FSTL5: variants seen among roughly 807,000 people sequenced by gnomAD.
The protein encoded by FSTL5 is follistatin like 5.
FSTL5 carries 62 observed loss-of-function variants against 89.1 expected under a neutral mutation model. The ratio of observed to expected loss-of-function variants is 0.70; its 90% CI spans 0.57 to 0.86. The LOEUF (loss-of-function observed/expected upper bound fraction) is 0.86, where lower values mean the gene tolerates loss of function less well. Ranked by LOEUF, FSTL5 falls within the 40% of genes least tolerant of loss-of-function variation. FSTL5 has a pLI of 0.00. For synonymous variants in FSTL5, 383 were observed against 346.2 expected (o/e 1.11, Z -1.18); for missense variants, 1,057 against 1,001.6 (o/e 1.06, Z -0.75).
chr4:161,852,792 T>G (rs772197734), intron 4 of FSTL5, among the ~76,000 whole-genome samples: 1 of 152,070 alleles, frequency 6.6e-6, no homozygotes, highest in South Asian at 2.1e-4. Context: ...TAAAAAGGAA[T>G]GAGATCATGT....
At chr4:161,561,642 A>G (rs1238268440) in intron 8 of FSTL5, among the ~76,000 whole-genome samples, 1 of 152,024 alleles carries the variant, frequency 6.6e-6, no homozygotes, top group Non-Finnish European at 1.5e-5. Flanking sequence ...CAATAATAAC[A>G]AGGCAAAAAA....
intron 8 of FSTL5, among the ~76,000 whole-genome samples, chr4:161,585,228 C>T (rs773453391): frequency 7.2e-5 from 11 of 152,106 alleles, no homozygotes; most frequent in Non-Finnish European, 1.5e-4. Flanking sequence ...TGGAGCATGG[C>T]AAATGAGTAA....
intron 6 of FSTL5, among the ~76,000 whole-genome samples, chr4:161,745,160 C>G (rs1258672778): frequency 6.6e-6 from 1 of 152,068 alleles, no homozygotes; most frequent in Non-Finnish European, 1.5e-5. Context: ...ATAAGTCCCA[C>G]TATCTCCATA....
rs556120890 is a variant in FSTL5 at position 161,467,257 on chromosome 4, A to G, written c.1609-7938T>C. Among the ~76,000 whole-genome samples the G allele has an allele frequency of 9.2e-5, 14 of 152,212 alleles. No individual in the cohort carries two copies. The East Asian group carries it at 2.7e-3, about 29-fold the overall frequency. On this transcript the variant is annotated intron_variant, in intron 13 of 15. Coordinates refer to ENST00000306100, the MANE Select transcript of FSTL5 (RefSeq NM_020116.5). The stretch of plus-strand genomic sequence containing the variant: ...AAATAATTAACTAAATTTTGATTAC[A>G]ATTAGTATTCTTAGTTGCCTCTGTA...
intron 7 of FSTL5, among the ~76,000 whole-genome samples, chr4:161,607,408 A>T (rs1292310496): frequency 6.6e-6 from 1 of 152,182 alleles, no homozygotes; most frequent in Non-Finnish European, 1.5e-5. Flanking sequence ...AACACATGAC[A>T]GCTGAAATAT....
At chr4:161,673,282 A>G (rs1370267351) in intron 6 of FSTL5, among the ~76,000 whole-genome samples, 1 of 152,052 alleles carries the variant, frequency 6.6e-6, no homozygotes, top group Non-Finnish European at 1.5e-5. Context: ...AAATTTGGGC[A>G]TCGACATTTT....
chr4:162,080,378 TAAG>T (rs10595405), intron 2 of FSTL5, among the ~76,000 whole-genome samples: 64,949 of 151,068 alleles, frequency 0.43, 14,665 homozygotes, highest in Middle Eastern at 0.56. Flanking sequence ...TAGAGGGTTT[TAAG>T]AAGGAGTGTT....
chr4:161,403,243 G>A (rs6820464), intron 15 of FSTL5, among the ~76,000 whole-genome samples: 16,114 of 152,138 alleles, frequency 0.11, 948 homozygotes, highest in Admixed American at 0.12. Flanking sequence ...AGGATTTCCT[G>A]ATTTACAAAC....
At chr4:161,614,424 T>G (rs1280532105) in intron 7 of FSTL5, among the ~76,000 whole-genome samples, 2 of 152,208 alleles carry the variant, frequency 1.3e-5, no homozygotes, top group Non-Finnish European at 2.9e-5. Flanking sequence ...TCTTCTAATA[T>G]ACTGCCTGTC....
At chr4:161,881,804 G>A (rs1732644388) in intron 4 of FSTL5, among the ~76,000 whole-genome samples, 1 of 152,116 alleles carries the variant, frequency 6.6e-6, no homozygotes, top group Admixed American at 6.5e-5. Flanking sequence ...TACATGTGCA[G>A]CATAATACTT....
chr4:161,627,784 T>C (rs2126652438), intron 7 of FSTL5, among the ~76,000 whole-genome samples: 1 of 152,238 alleles, frequency 6.6e-6, no homozygotes, highest in South Asian at 2.1e-4. Context: ...GAAAGTTGAC[T>C]AAAATAAAAG....
chr4:161,486,329 C>T (rs1411445421), intron 12 of FSTL5, among the ~76,000 whole-genome samples: 1 of 151,964 alleles, frequency 6.6e-6, no homozygotes, highest in Non-Finnish European at 1.5e-5. Flanking sequence ...AATAGGGAGC[C>T]TTGGAGATTC....
At chr4:162,161,438 C>T (rs966730285) in intron 1 of FSTL5, among the ~76,000 whole-genome samples, 2 of 151,596 alleles carry the variant, frequency 1.3e-5, no homozygotes, top group Non-Finnish European at 3.0e-5. Context: ...GATGCAAAAG[C>T]TAAAAGTGTA....
intron 7 of FSTL5, among the ~76,000 whole-genome samples, chr4:161,644,451 G>A (rs552707300): frequency 3.2e-4 from 49 of 152,036 alleles, no homozygotes; most frequent in African/African-American, 9.9e-4. Context: ...ACTTGAACTC[G>A]GGAGGTGGAG....
At chr4:161,808,856 T>G in intron 4 of FSTL5, among the ~76,000 whole-genome samples, 1 of 152,158 alleles carries the variant, frequency 6.6e-6, no homozygotes, top group South Asian at 2.1e-4. Context: ...GAATAGACAT[T>G]TTCCTAGAAA....
intron 4 of FSTL5, among the ~76,000 whole-genome samples, chr4:161,899,612 A>T (rs1242674134): frequency 1.3e-5 from 2 of 152,208 alleles, no homozygotes; most frequent in African/African-American, 4.8e-5. Flanking sequence ...TATGTGTCAG[A>T]TATTATTCTA....
intron 6 of FSTL5, among the ~76,000 whole-genome samples, chr4:161,692,786 C>T (rs978493572): frequency 1.3e-5 from 2 of 152,040 alleles, no homozygotes; most frequent in Admixed American, 1.3e-4. Flanking sequence ...TGCAGTGGCG[C>T]TATCTCGGCT....
intron 4 of FSTL5, among the ~76,000 whole-genome samples, chr4:161,793,925 T>C (rs965668036): frequency 3.3e-5 from 5 of 152,086 alleles, no homozygotes; most frequent in African/African-American, 9.7e-5. Context: ...CCATTTATAA[T>C]ATGGATATAA....
At chr4:161,992,377 A>C (rs2111079598) in intron 3 of FSTL5, among the ~76,000 whole-genome samples, 1 of 152,282 alleles carries the variant, frequency 6.6e-6, no homozygotes, top group East Asian at 1.9e-4. Context: ...ATATGTTTTG[A>C]AGGTAGAGAC....
Sources: gnomAD v4.1 joint callset for allele counts (sites outside exome capture counted in the v4.1 genomes callset) on GRCh38, gnomAD v4.1.1 for gene constraint, MANE v1.5 for transcripts, NCBI Gene and HGNC (gene_info 2026-07-23, HGNC 2026-07-21) for gene names.